GRIK1: variants seen among roughly 807,000 people sequenced by gnomAD.
GRIK1 encodes glutamate receptor ionotropic, kainate 1.
Under a neutral mutation model 105.7 loss-of-function variants are expected in GRIK1, and 69 were observed. That is an observed-to-expected ratio of 0.65 (90% CI 0.54 to 0.80). GRIK1 has a LOEUF of 0.80. GRIK1 is among the 30% of genes least tolerant of loss of function. GRIK1 has a pLI of 0.00. For missense variants in GRIK1, 1,109 were observed against 1,167.3 expected, an observed-to-expected ratio of 0.95 and a Z score of 0.73; for synonymous variants, 438 against 431.3, an observed-to-expected ratio of 1.02 and a Z score of -0.19.
intron 16 of GRIK1, among the ~76,000 whole-genome samples, chr21:29,550,044 G>T (rs1443081967): frequency 7.2e-6 from 1 of 138,024 alleles, no homozygotes; most frequent in African/African-American, 2.7e-5. Flanking sequence ...GGAGGCAGAG[G>T]TTGCAGTGAG....
At chr21:29,651,649 T>A (rs1471187149) in intron 5 of GRIK1, among the ~76,000 whole-genome samples, 3 of 152,104 alleles carry the variant, frequency 2.0e-5, no homozygotes, top group Non-Finnish European at 4.4e-5. Context: ...AGGTAGAGTA[T>A]CGTGGTATGG....
intron 4 of GRIK1, among the ~76,000 whole-genome samples, chr21:29,669,393 G>A (rs2063122220): frequency 6.6e-6 from 1 of 152,178 alleles, no homozygotes; most frequent in African/African-American, 2.4e-5. Flanking sequence ...AATGTTCTTG[G>A]CAGTGATTTC....
rs189440927 is a variant in GRIK1 at position 29,925,265 on chromosome 21, C to T, written c.118+14118G>A. On this transcript the variant is annotated intron_variant, in intron 1 of 17. Coordinates refer to ENST00000327783, the MANE Select transcript of GRIK1 (RefSeq NM_001330994.2). The stretch of plus-strand genomic sequence containing the variant: ...AAAAACCTATAATTTGTTTAAGCAA[C>T]CAGACCCTCCCAACTCTGAAGTTTG... 5.1e-4 allele frequency among the ~76,000 whole-genome samples: 78 copies of T among 152,284 alleles called. 1 individual carries two copies. Among genetic ancestry groups the T allele is most frequent in the Admixed American group, 2.2e-3 (33 of 15,300 alleles).
chr21:29,817,830 C>G (rs2067194526), intron 1 of GRIK1, among the ~76,000 whole-genome samples: 1 of 152,134 alleles, frequency 6.6e-6, no homozygotes, highest in African/African-American at 2.4e-5. Flanking sequence ...GTCATTTATA[C>G]AGAACCTGTT....
chr21:29,628,459 T>C (rs2062184103), intron 7 of GRIK1, among the ~76,000 whole-genome samples: 1 of 152,244 alleles, frequency 6.6e-6, no homozygotes, highest in African/African-American at 2.4e-5. Context: ...CTTGCCAATA[T>C]TTGATTTCCA....
intron 4 of GRIK1, among the ~76,000 whole-genome samples, chr21:29,662,360 T>TG (rs1368952122): frequency 6.6e-6 from 1 of 152,172 alleles, no homozygotes; most frequent in Non-Finnish European, 1.5e-5. Context: ...ATGGAACTTT[T>TG]GGGGCAATTA....
intron 1 of GRIK1, among the ~76,000 whole-genome samples, chr21:29,889,673 C>T (rs1270831670): frequency 1.3e-5 from 2 of 152,060 alleles, no homozygotes; most frequent in African/African-American, 2.4e-5. Flanking sequence ...TAAGGAAAAT[C>T]ATCTCATATT....
At chr21:29,901,458 G>C (rs2070404171) in intron 1 of GRIK1, among the ~76,000 whole-genome samples, 1 of 151,776 alleles carries the variant, frequency 6.6e-6, no homozygotes, top group Non-Finnish European at 1.5e-5. Flanking sequence ...AATGATAAAG[G>C]GGATATCACC....
At chr21:29,704,491 A>G (rs974570587) in intron 1 of GRIK1, among the ~76,000 whole-genome samples, 2 of 152,204 alleles carry the variant, frequency 1.3e-5, no homozygotes, top group Non-Finnish European at 2.9e-5. Flanking sequence ...GAAGATCAGG[A>G]CAGATGTTTA....
chr21:29,566,286 CA>C (rs1394515940), intron 14 of GRIK1, among the ~76,000 whole-genome samples: 1 of 152,080 alleles, frequency 6.6e-6, no homozygotes, highest in East Asian at 1.9e-4. Flanking sequence ...CTAGATATGT[CA>C]AAAGTTAATT....
At position 29,905,829 on chromosome 21, in the gene GRIK1, T is replaced by A. The variant is rs547659022; in HGVS notation, c.118+33554A>T. 2.7e-3 allele frequency among the ~76,000 whole-genome samples: 412 copies of A among 152,244 alleles called. 2 individuals carry two copies. Among genetic ancestry groups the A allele is most frequent in the Non-Finnish European group, 4.3e-3 (294 of 67,998 alleles). On this transcript the variant is annotated intron_variant, in intron 1 of 17. Transcript: ENST00000327783. Reference sequence around the variant, plus strand: ...TTTTAGTAGAGACGGGATTTTGCCATGTTGGCCAGGCTGGACTTGAACTTC... The same window carrying A: ...TTTTAGTAGAGACGGGATTTTGCCAAGTTGGCCAGGCTGGACTTGAACTTC...
At chr21:29,730,302 C>T (rs1221014792) in intron 1 of GRIK1, among the ~76,000 whole-genome samples, 1 of 152,022 alleles carries the variant, frequency 6.6e-6, no homozygotes, top group Non-Finnish European at 1.5e-5. Flanking sequence ...CTGTTGAATT[C>T]CCTTCTGAGA....
chr21:29,539,412 A>G (rs1436648587), intron 16 of GRIK1, among the ~76,000 whole-genome samples: 1 of 152,178 alleles, frequency 6.6e-6, no homozygotes, highest in Non-Finnish European at 1.5e-5. Context: ...CTGTCATATA[A>G]TTTGTTTATT....
At chr21:29,575,369 GT>G (rs1238472204) in intron 14 of GRIK1, among the ~76,000 whole-genome samples, 3 of 151,944 alleles carry the variant, frequency 2.0e-5, no homozygotes, top group African/African-American at 7.3e-5. Context: ...TTGGTACAAC[GT>G]ATGTTATTTG....
chr21:29,640,208 T>G (rs1275850839), intron 7 of GRIK1, among the ~76,000 whole-genome samples: 1 of 151,968 alleles, frequency 6.6e-6, no homozygotes, highest in Non-Finnish European at 1.5e-5. Context: ...CCAAGTTCCT[T>G]ATTTCATGTT....
At chr21:29,576,929 A>G (rs992755418) in intron 14 of GRIK1, 35 bp downstream of exon 14, 3 of 1,130,302 alleles carry the variant, frequency 2.7e-6, no homozygotes, top group Non-Finnish European at 4.0e-6. Flanking sequence ...CACAAGTATC[A>G]GATAATCACT....
At chr21:29,729,798 C>A (rs1190256378) in intron 1 of GRIK1, among the ~76,000 whole-genome samples, 1 of 152,060 alleles carries the variant, frequency 6.6e-6, no homozygotes, top group African/African-American at 2.4e-5. Context: ...GAGGGTGGAT[C>A]TGTATATTTT....
At chr21:29,900,462 G>GAAAAAAAAAAAAAAAAA (rs796090417) in intron 1 of GRIK1, among the ~76,000 whole-genome samples, 2 of 76,930 alleles carry the variant, frequency 2.6e-5, no homozygotes, top group African/African-American at 3.8e-5. Context: ...TGGAAAGCAA[G>GAAAAAAAAAAAAAAAAA]AAAAAAAAAA....
chr21:29,784,066 G>A (rs2066196039), intron 1 of GRIK1, among the ~76,000 whole-genome samples: 1 of 152,138 alleles, frequency 6.6e-6, no homozygotes, highest in Non-Finnish European at 1.5e-5. Context: ...CTGAGTAGCT[G>A]GGACTACAGG....
Sources: gnomAD v4.1 joint callset for allele counts (sites outside exome capture counted in the v4.1 genomes callset) on GRCh38, gnomAD v4.1.1 for gene constraint, MANE v1.5 for transcripts, NCBI Gene and HGNC (gene_info 2026-07-23, HGNC 2026-07-21) for gene names.